ANKMY1: variants seen among roughly 807,000 people sequenced by gnomAD.
ANKMY1 encodes the protein ankyrin repeat and MYND domain-containing protein 1.
ANKMY1 carries 98 observed loss-of-function variants against 102.0 expected under a neutral mutation model. The ratio of observed to expected loss-of-function variants is 0.96; its 90% confidence interval spans 0.82 to 1.14. ANKMY1 has a LOEUF of 1.14. Among genes scored for constraint, ANKMY1 ranks in the 50% most tolerant of loss-of-function variants. ANKMY1 has a pLI of 0.00. For synonymous variants in ANKMY1, 582 were observed against 559.9 expected (o/e 1.04, Z -0.56); for missense variants, 1,330 against 1,347.6 (o/e 0.99, Z 0.20).
intron 4 of ANKMY1, among the ~76,000 whole-genome samples, chr2:240,534,977 T>C (rs1410026094): frequency 6.6e-6 from 1 of 152,202 alleles, no homozygotes; most frequent in Non-Finnish European, 1.5e-5. Context: ...TGCATGCCTA[T>C]GGTCCCAGCT....
At chr2:240,493,198 A>C (rs2076847333) in intron 15 of ANKMY1, among the ~76,000 whole-genome samples, 1 of 151,922 alleles carries the variant, frequency 6.6e-6, no homozygotes, top group Admixed American at 6.6e-5. Context: ...ATGGTGGTGC[A>C]TGCCTGTAAT....
rs528181928 is a variant in ANKMY1, at chr2:240,480,227, AAGG to A, written c.3047-575_3047-573del. 1.1e-4 allele frequency among the ~76,000 whole-genome samples: 16 copies of A among 152,220 alleles called. No individual in the cohort carries two copies. The South Asian group carries it at 3.3e-3, about 32-fold the overall frequency. On this transcript the variant is annotated intron_variant, in intron 17 of 17. Transcript: ENST00000401804. ...AAAAAGCCCCATTTTATGGAGGGGG[AAGG>A]AGGTCAGCAGCCATTCACTTCAGGG...
rs774422840 is a variant in ANKMY1 at position 240,526,455 on chromosome 2, C to T, written c.954-10G>A. The stretch of plus-strand genomic sequence containing the variant: ...GTGAGCTGGCTTGTTCCTGGCAACA[C>T]AACAAGTTTCAGTGGTCCTAGACCA... On this transcript the variant is annotated splice_polypyrimidine_tract_variant and intron_variant, in intron 5 of 17. Coordinates refer to ENST00000401804, the MANE Select transcript of ANKMY1 (RefSeq NM_001282771.3). 2 of 1,613,972 alleles carry T rather than the reference C, an allele frequency of 1.2e-6. No homozygotes were observed. The highest frequency in any genetic ancestry group is 1.7e-6 in the Non-Finnish European group (2 of 1,180,014).
intron 4 of ANKMY1, among the ~76,000 whole-genome samples, chr2:240,543,302 G>A (rs560241589): frequency 3.3e-5 from 5 of 150,972 alleles, no homozygotes; most frequent in South Asian, 4.2e-4. Flanking sequence ...GCAGTGAGCC[G>A]AGACCGTACC....
chr2:240,486,000 G>A (rs1170507960), intron 15 of ANKMY1, among the ~76,000 whole-genome samples: 2 of 152,070 alleles, frequency 1.3e-5, no homozygotes, highest in Non-Finnish European at 2.9e-5. Flanking sequence ...CTGCCTTTTT[G>A]TGATATTATT....
the ANKMY1 span, among the ~76,000 whole-genome samples, chr2:240,470,283 A>G: frequency 0.63 from 95,811 of 152,118 alleles, 31,062 homozygotes; most frequent in African/African-American, 0.78. Context: ...TCTCTCCAAC[A>G]GACAGCATGT....
At chr2:240,515,926 G>A (rs974940030) in intron 9 of ANKMY1, among the ~76,000 whole-genome samples, 15 of 150,700 alleles carry the variant, frequency 1.0e-4, no homozygotes, top group South Asian at 4.2e-4. Context: ...GGGTTTCACC[G>A]TGTTAGCCAG....
chr2:240,553,242 G>T, intron 3 of ANKMY1, 185 bp from the exon 4 acceptor site: 1 of 666,642 alleles, frequency 1.5e-6, no homozygotes. Flanking sequence ...GGGTTACCAG[G>T]CAGTCAGCCT....
chr2:240,472,263 G>A, the ANKMY1 span, among the ~76,000 whole-genome samples: 2 of 127,054 alleles, frequency 1.6e-5, no homozygotes, highest in African/African-American at 5.5e-5. Context: ...ACCAATCTAC[G>A]GCCGCACGCG....
chr2:240,499,767 A>G lies in ANKMY1; in HGVS notation c.2806+191T>C, dbSNP rs1367506334. Among the ~76,000 whole-genome samples, 1 of 151,836 alleles carries G rather than the reference A, an allele frequency of 6.6e-6. No individual in the cohort carries two copies. Among genetic ancestry groups the G allele is most frequent in the Non-Finnish European group, 1.5e-5 (1 of 67,922 alleles). On this transcript the variant is annotated intron_variant, in intron 15 of 17. Transcript: ENST00000401804. The surrounding 1 kb of genome is among the most constrained non-coding windows in gnomAD (Gnocchi z 4.2). Reference sequence around the variant, plus strand: ...TCCCAGGGACATCTCCCCAGTCCAGACCCCACTTCTCAGTCTCTCCTGGAC... The same window carrying G: ...TCCCAGGGACATCTCCCCAGTCCAGGCCCCACTTCTCAGTCTCTCCTGGAC...
At chr2:240,513,067 C>T in intron 9 of ANKMY1, 125 bp from the exon 10 acceptor site, 1 of 1,345,606 alleles carries the variant, frequency 7.4e-7, no homozygotes, top group Non-Finnish European at 1.0e-6. Context: ...CTCAGCCTCA[C>T]CTGCCTCACA....
chr2:240,486,846 C>T (rs1199895712), intron 15 of ANKMY1, among the ~76,000 whole-genome samples: 3 of 152,144 alleles, frequency 2.0e-5, no homozygotes, highest in Admixed American at 6.5e-5. Flanking sequence ...CGTCATCCCA[C>T]TGTCTTGAGT....
At chr2:240,556,176 C>A (rs1303320889) in intron 2 of ANKMY1, among the ~76,000 whole-genome samples, 1 of 152,200 alleles carries the variant, frequency 6.6e-6, no homozygotes, top group African/African-American at 2.4e-5. Flanking sequence ...CCTCCCAAAG[C>A]CCATTGTTGG....
the ANKMY1 span, among the ~76,000 whole-genome samples, chr2:240,468,998 AGGGTG>A: frequency 6.6e-6 from 1 of 152,138 alleles, no homozygotes; most frequent in African/African-American, 2.4e-5. Flanking sequence ...CTGGGAAATG[AGGGTG>A]GGGTGGAGTC....
chr2:240,539,285 G>A (rs1575266989), intron 4 of ANKMY1, among the ~76,000 whole-genome samples: 2 of 151,134 alleles, frequency 1.3e-5, no homozygotes. Context: ...TGGGAGGAAC[G>A]AACAACTCTG....
At chr2:240,551,294 C>A (rs1245651231) in intron 4 of ANKMY1, among the ~76,000 whole-genome samples, 1 of 151,940 alleles carries the variant, frequency 6.6e-6, no homozygotes, top group African/African-American at 2.4e-5. Context: ...AAATTTGAGT[C>A]ATATTTCTCT....
At chr2:240,501,304 A>G (rs2078152855) in intron 13 of ANKMY1, among the ~76,000 whole-genome samples, 1 of 152,148 alleles carries the variant, frequency 6.6e-6, no homozygotes. Context: ...ATGCCTGACA[A>G]ATGTGTGAAT....
intron 3 of ANKMY1, chr2:240,554,630 T>C: frequency 5.9e-6 from 3 of 512,718 alleles, no homozygotes; most frequent in East Asian, 3.0e-5. Flanking sequence ...TAAGAACTTA[T>C]CTTCTTAAGT....
intron 9 of ANKMY1, among the ~76,000 whole-genome samples, chr2:240,515,670 G>T (rs909384818): frequency 6.6e-6 from 1 of 152,108 alleles, no homozygotes; most frequent in Admixed American, 6.5e-5. Flanking sequence ...TAATACAAGG[G>T]TAAAATTTGT....
Sources: gnomAD v4.1 joint callset for allele counts (sites outside exome capture counted in the v4.1 genomes callset) on GRCh38, gnomAD v4.1.1 for gene constraint, Gnocchi (gnomAD v3.1) non-coding constraint, MANE v1.5 for transcripts, NCBI Gene and HGNC (gene_info 2026-07-23, HGNC 2026-07-21) for gene names.